The following CYP2C19 variants were observed in gnomAD, a reference collection of about 807,000 sequenced individuals.
The protein encoded by CYP2C19 is cytochrome P450 2C19.
In CYP2C19, 59 loss-of-function variants were observed where a neutral mutation model predicts 40.9. The observed-to-expected ratio is 1.44, with a 90% confidence interval of 1.17 to 1.79. The LOEUF (loss-of-function observed/expected upper bound fraction) is 1.79, where lower values mean the gene tolerates loss of function less well. CYP2C19 is among the 40% of genes most tolerant of loss of function. The pLI, the probability that CYP2C19 is intolerant of heterozygous loss-of-function variation, is 0.00. For missense variants in CYP2C19, 754 were observed against 596.9 expected (o/e 1.26, Z -2.74); for synonymous variants, 253 against 208.7 (o/e 1.21, Z -1.83).
chr10:94,848,569 T>G (rs1252733277), intron 7 of CYP2C19, among the ~76,000 whole-genome samples: 2 of 152,216 alleles, frequency 1.3e-5, no homozygotes, highest in Non-Finnish European at 2.9e-5. Flanking sequence ...AGGCTCTTTT[T>G]TGGTTCCATA....
chr10:94,801,648 T>C (rs1314182691), intron 5 of CYP2C19, among the ~76,000 whole-genome samples: 2 of 152,202 alleles, frequency 1.3e-5, no homozygotes, highest in Non-Finnish European at 1.5e-5. Flanking sequence ...AAAATCCTTG[T>C]TAATTTTCTG....
intron 5 of CYP2C19, among the ~76,000 whole-genome samples, chr10:94,786,069 C>T (rs1848536076): frequency 6.6e-6 from 1 of 152,062 alleles, no homozygotes; most frequent in African/African-American, 2.4e-5. Context: ...GTCTCTCTCT[C>T]TCTCTCTCAC....
At position 94,781,949 on chromosome 10, in the gene CYP2C19, C is replaced by T. The variant is rs1373408197; in HGVS notation, c.771C>T (p.Ile257=). Residue 257 remains isoleucine, a synonymous_variant, in exon 5 of 9, where the codon ATC becomes ATT. Coordinates refer to ENST00000371321, the MANE Select transcript of CYP2C19 (RefSeq NM_000769.4). ...KVKEHQESMD[I]NNPRDFIDCF... is the part of the protein sequence containing the mutation. ...AAGAACACCAAGAATCGATGGACAT[C>T]AACAACCCTCGGGACTTTATTGATT... is the stretch of plus-strand genomic sequence containing the variant. The T allele has an allele frequency of 2.0e-6, 3 of 1,521,440 alleles. No homozygotes were observed. The highest frequency in any genetic ancestry group is 2.6e-6 in the Non-Finnish European group (3 of 1,145,572). The allele number at this position is 1,521,440 out of a possible 1,614,324, so 94.2% of individuals were successfully genotyped here. A position where few individuals can be genotyped will look rare whatever the true frequency, so the allele number is the denominator to read the frequency against.
chr10:94,807,054 C>A (rs1455349091), intron 5 of CYP2C19, among the ~76,000 whole-genome samples: 1 of 152,090 alleles, frequency 6.6e-6, no homozygotes, highest in Non-Finnish European at 1.5e-5. Flanking sequence ...CCCCTTACTT[C>A]TCTACCTCTA....
chr10:94,793,739 A>T (rs1848642351), intron 5 of CYP2C19, among the ~76,000 whole-genome samples: 1 of 152,082 alleles, frequency 6.6e-6, no homozygotes, highest in Non-Finnish European at 1.5e-5. Flanking sequence ...TCAAAGGAGC[A>T]CCGGGCTGTA....
At chr10:94,786,298 T>G (rs1472387360) in intron 5 of CYP2C19, among the ~76,000 whole-genome samples, 1 of 152,142 alleles carries the variant, frequency 6.6e-6, no homozygotes, top group Non-Finnish European at 1.5e-5. Flanking sequence ...TGGTAGGGAT[T>G]GCATAGAATT....
At chr10:94,817,616 G>A (rs1419259602) in intron 5 of CYP2C19, among the ~76,000 whole-genome samples, 1 of 145,802 alleles carries the variant, frequency 6.9e-6, no homozygotes, top group Non-Finnish European at 1.5e-5. Flanking sequence ...GTCTTTTGTT[G>A]CCATTGCTTT....
At chr10:94,794,793 G>C (rs1483379446) in intron 5 of CYP2C19, among the ~76,000 whole-genome samples, 2 of 151,970 alleles carry the variant, frequency 1.3e-5, no homozygotes, top group East Asian at 3.9e-4. Flanking sequence ...TCAGCTTAAG[G>C]AGATTTTGGG....
At chr10:94,838,659 A>G (rs867706015) in intron 6 of CYP2C19, among the ~76,000 whole-genome samples, 28 of 151,844 alleles carry the variant, frequency 1.8e-4, no homozygotes, top group African/African-American at 6.1e-4. Context: ...TTGAAGGGGG[A>G]TCCTTGTTAG....
intron 5 of CYP2C19, among the ~76,000 whole-genome samples, chr10:94,800,166 CTGGCCTACAGTTG>C (rs1848744112): frequency 1.3e-5 from 2 of 152,136 alleles, no homozygotes; most frequent in African/African-American, 4.8e-5. Flanking sequence ...TTTGATGTTG[CTGGCCTACAGTTG>C]TGGTTTTGGT....
intron 4 of CYP2C19, among the ~76,000 whole-genome samples, chr10:94,780,896 T>C (rs1176168616): frequency 6.6e-6 from 1 of 152,132 alleles, no homozygotes; most frequent in Admixed American, 6.5e-5. Context: ...CAGTGTTTTT[T>C]CCACTAAACT....
In CYP2C19 at chr10:94,853,515, G is replaced by A. The variant is rs1849686451; in HGVS notation, c.*601G>A. ...TATTCAGAGGATCAGGTATTGGGAGGAATGGATATTAAATGTTCCACATTG... is the reference window on the plus strand; with the variant it reads ...TATTCAGAGGATCAGGTATTGGGAGAAATGGATATTAAATGTTCCACATTG... On this transcript the variant is annotated 3_prime_UTR_variant, in exon 9 of 9. Transcript: ENST00000371321. Among the ~76,000 whole-genome samples the A allele has an allele frequency of 6.6e-6, 1 of 150,454 alleles. No individual in the cohort carries two copies. The highest frequency in any genetic ancestry group is 6.6e-5 in the Admixed American group (1 of 15,064).
At chr10:94,835,986 T>C (rs1849397293) in intron 6 of CYP2C19, among the ~76,000 whole-genome samples, 1 of 152,206 alleles carries the variant, frequency 6.6e-6, no homozygotes, top group African/African-American at 2.4e-5. Flanking sequence ...AGGGAACCTC[T>C]AAAAGTTCCC....
chr10:94,820,394 G>C, intron 5 of CYP2C19, 102 bp from the exon 6 acceptor site: 2 of 1,349,724 alleles, frequency 1.5e-6, no homozygotes, highest in South Asian at 1.2e-5. Context: ...ATACTTTACA[G>C]TTTCTATGTT....
At chr10:94,848,594 G>GT (rs576679113) in intron 7 of CYP2C19, among the ~76,000 whole-genome samples, 1 of 152,124 alleles carries the variant, frequency 6.6e-6, no homozygotes, top group Non-Finnish European at 1.5e-5. Context: ...CTTTAAAGTA[G>GT]TTTTTCCAAT....
chr10:94,764,627 G>T (rs1188073134), intron 1 of CYP2C19, among the ~76,000 whole-genome samples: 2 of 152,100 alleles, frequency 1.3e-5, no homozygotes, highest in Non-Finnish European at 2.9e-5. Context: ...TCCTGCAGTT[G>T]TAGTGTCCTC....
chr10:94,779,094 C>T lies in CYP2C19; in HGVS notation c.482-1405C>T, dbSNP rs7078494. ...CACATGGACACAGGAAGGGTAACATCACACACCAGGGCCTGTTGAGGGGTT... is the reference window on the plus strand; with the variant it reads ...CACATGGACACAGGAAGGGTAACATTACACACCAGGGCCTGTTGAGGGGTT... On this transcript the variant is annotated intron_variant, in intron 3 of 8. Transcript: ENST00000371321. Among the ~76,000 whole-genome samples, 1,270 of 151,934 alleles carry T rather than the reference C, an allele frequency of 8.4e-3. 22 individuals carry two copies. The highest frequency in any genetic ancestry group is 0.062 in the East Asian group (319 of 5,162).
At chr10:94,811,452 C>T (rs1848922432) in intron 5 of CYP2C19, among the ~76,000 whole-genome samples, 2 of 152,142 alleles carry the variant, frequency 1.3e-5, no homozygotes, top group African/African-American at 4.8e-5. Flanking sequence ...ATTTCTGTCT[C>T]ATTGATCTGT....
intron 6 of CYP2C19, among the ~76,000 whole-genome samples, chr10:94,823,411 C>G (rs1440429033): frequency 6.6e-6 from 1 of 152,150 alleles, no homozygotes; most frequent in Non-Finnish European, 1.5e-5. Flanking sequence ...GGGTCCACAC[C>G]TTCAATTCAG....
Sources: allele counts gnomAD v4.1 joint callset (sites outside exome capture counted in the v4.1 genomes callset), GRCh38; gene constraint gnomAD v4.1.1; transcripts MANE v1.5; gene names NCBI Gene and HGNC (gene_info 2026-07-23, HGNC 2026-07-21).